Variants in EHD4 observed in about 807,000 individuals in gnomAD.
EHD4 encodes the protein EH domain containing 4, also known as EH domain-containing protein 4.
Under a neutral mutation model 51.0 loss-of-function variants are expected in EHD4, and 37 were observed. The ratio of observed to expected loss-of-function variants is 0.73; its 90% confidence interval spans 0.56 to 0.95. EHD4 has a LOEUF of 0.95. Among genes scored for constraint, EHD4 ranks in the 40% least tolerant of loss-of-function variants. The probability of loss-of-function intolerance (pLI) is 0.00; values close to 1 mark genes in which losing one functional copy is unlikely to be tolerated. For missense variants in EHD4, 632 were observed against 733.1 expected (o/e 0.86, Z 1.59); for synonymous variants, 297 against 317.3 (o/e 0.94, Z 0.68).
chr15:41,954,075 A>G (rs557318835), intron 1 of EHD4, 135 bp from the exon 2 acceptor site: 4 of 942,886 alleles, frequency 4.2e-6, no homozygotes, highest in South Asian at 3.0e-5. Context: ...AAAGCACGCA[A>G]TCCTCCTCTG....
chr15:41,971,937 C>T (rs118054745), intron 1 of EHD4, among the ~76,000 whole-genome samples: 1,869 of 152,366 alleles, frequency 0.012, 29 homozygotes, highest in Non-Finnish European at 0.015. Context: ...ACTCCCTCGT[C>T]AAGAATATGC....
At chr15:41,918,670 G>C (rs754957232) in intron 4 of EHD4, among the ~76,000 whole-genome samples, 6 of 152,148 alleles carry the variant, frequency 3.9e-5, no homozygotes, top group Non-Finnish European at 7.4e-5. Context: ...GAGGATGCGG[G>C]GGTGACCCAA....
rs200897167 is a variant in EHD4, at chr15:41,900,725, C to A, written c.1546G>T (p.Asp516Tyr). 23 of 1,611,996 alleles carry A rather than the reference C, an allele frequency of 1.4e-5. No homozygotes were observed. Among genetic ancestry groups the A allele is most frequent in the Non-Finnish European group, 1.7e-5 (20 of 1,179,974 alleles). ...AGGCTGCTGGGCAGCTCGTAGCCGT[C>A]GAGCTTGATCTTGATGAGGTGCTTG... ...LAKHLIKIKLDGYELPSSLPP... is the reference protein window; with the variant it reads ...LAKHLIKIKLYGYELPSSLPP... The change falls in exon 6 of 6, where the codon GAC (aspartate) becomes TAC (tyrosine). Residue 516 changes from aspartate (D) to tyrosine (Y), a missense_variant. Physicochemically the swap from Asp to Tyr is radical, Grantham distance 160 (BLOSUM62 -3). Transcript: ENST00000220325. The surrounding 1 kb of genome is among the most constrained non-coding windows in gnomAD (Gnocchi z 4.8).
chr15:41,940,896 T>C (rs1457280560), intron 3 of EHD4, among the ~76,000 whole-genome samples: 1 of 152,044 alleles, frequency 6.6e-6, no homozygotes, highest in Admixed American at 6.5e-5. Context: ...TGAAAACAAA[T>C]GCATATGGTG....
At chr15:41,942,459 C>G (rs28660334) in intron 3 of EHD4, 83,265 of 152,104 alleles carry the variant, frequency 0.55, 23,788 homozygotes, top group African/African-American at 0.72. Context: ...TGGCCAGGCT[C>G]TTCTCGAACT....
At chr15:41,922,268 G>A (rs1021899905) in intron 3 of EHD4, among the ~76,000 whole-genome samples, 2 of 151,978 alleles carry the variant, frequency 1.3e-5, no homozygotes, top group Admixed American at 1.3e-4. Context: ...GTATGCATGT[G>A]GGCTCAGCTA....
Position 41,909,872 on chromosome 15 carries a change from G to A in EHD4, c.925-9C>T, listed in dbSNP as rs1415011381. 6 of 1,613,972 alleles carry A rather than the reference G, an allele frequency of 3.7e-6. No individual in the cohort carries two copies. Among genetic ancestry groups the A allele is most frequent in the African/African-American group, 2.7e-5 (2 of 74,916 alleles). ...ATGATGTAGGCATGCACCTGGAGGG[G>A]TATAGATCAGGCAGGGAAGTGTCAT... is the stretch of plus-strand genomic sequence containing the variant. On this transcript the variant is annotated splice_polypyrimidine_tract_variant and intron_variant, in intron 4 of 5. Coordinates refer to ENST00000220325, the MANE Select transcript of EHD4 (RefSeq NM_139265.4).
At chr15:41,947,093 A>T (rs1441939925) in intron 2 of EHD4, among the ~76,000 whole-genome samples, 1 of 152,126 alleles carries the variant, frequency 6.6e-6, no homozygotes, top group African/African-American at 2.4e-5. Context: ...ACATGCTGAG[A>T]AGTGATGGAG....
intron 3 of EHD4, chr15:41,941,587 T>TTG (rs2067770969): frequency 6.6e-6 from 1 of 150,634 alleles, no homozygotes; most frequent in East Asian, 1.9e-4. Context: ...TTGGTGTTTT[T>TTG]TTTTTTGTTT....
At position 41,929,640 on chromosome 15, in the gene EHD4, T is replaced by TA. The variant is rs201898425; in HGVS notation, c.512-10019dup. On this transcript the variant is annotated intron_variant, in intron 3 of 5. Transcript: ENST00000220325. The stretch of plus-strand genomic sequence containing the variant: ...GCTCTTTGCTGGAGAGGGAAGTTGG[T>TA]AAAAAAACCTACCAAGAAAATCCTG... Among the ~76,000 whole-genome samples, 1,107 of 149,568 alleles carry TA rather than the reference T, an allele frequency of 7.4e-3. 19 individuals carry two copies. Among genetic ancestry groups the TA allele is most frequent in the African/African-American group, 0.027 (1,050 of 38,958 alleles).
intron 1 of EHD4, among the ~76,000 whole-genome samples, chr15:41,959,326 G>A (rs1167093519): frequency 6.7e-6 from 1 of 150,064 alleles, no homozygotes; most frequent in African/African-American, 2.5e-5. Flanking sequence ...AACCCGGGAG[G>A]CTGAGCTTGC....
chr15:41,960,204 T>G (rs2067916094), intron 1 of EHD4, among the ~76,000 whole-genome samples: 1 of 152,194 alleles, frequency 6.6e-6, no homozygotes, highest in African/African-American at 2.4e-5. Context: ...ACATTCAGCT[T>G]ATTTCATCCT....
At position 41,925,745 on chromosome 15, in the gene EHD4, C is replaced by T. The variant is rs889364746; in HGVS notation, c.512-6123G>A. Among the ~76,000 whole-genome samples, 18 of 152,248 alleles carry T rather than the reference C, an allele frequency of 1.2e-4. 1 individual carries two copies. The highest frequency in any genetic ancestry group is 5.8e-4 in the East Asian group (3 of 5,180). On this transcript the variant is annotated intron_variant, in intron 3 of 5. Transcript: ENST00000220325. ...GAACTAGGAGAAAGAATTTGTCCTG[C>T]GGAAGATCCCAGATTGGCATTCCTG... is the stretch of plus-strand genomic sequence containing the variant.
intron 3 of EHD4, among the ~76,000 whole-genome samples, chr15:41,934,635 C>T (rs2067720142): frequency 6.6e-6 from 1 of 152,102 alleles, no homozygotes; most frequent in Non-Finnish European, 1.5e-5. Context: ...TAACAGCTCC[C>T]CAGGTGATAA....
chr15:41,906,890 C>T (rs532282330), intron 5 of EHD4, among the ~76,000 whole-genome samples: 7 of 152,202 alleles, frequency 4.6e-5, no homozygotes, highest in Non-Finnish European at 1.0e-4. Flanking sequence ...AGGTACTGGG[C>T]ATAGACCTGA....
At chr15:41,924,194 G>A (rs1380233255) in intron 3 of EHD4, among the ~76,000 whole-genome samples, 5 of 152,118 alleles carry the variant, frequency 3.3e-5, no homozygotes, top group African/African-American at 1.2e-4. Context: ...ACTTCACACA[G>A]GGTATTAAAA....
At chr15:41,969,739 T>C (rs980315611) in intron 1 of EHD4, among the ~76,000 whole-genome samples, 5 of 152,202 alleles carry the variant, frequency 3.3e-5, no homozygotes, top group African/African-American at 1.2e-4. Flanking sequence ...GAGTCTAAGA[T>C]GACATGGTCA....
chr15:41,930,063 T>C (rs1008778023), intron 3 of EHD4, among the ~76,000 whole-genome samples: 2 of 152,230 alleles, frequency 1.3e-5, no homozygotes, highest in Admixed American at 1.3e-4. Context: ...AATGTTTCTA[T>C]AGGTGTAATT....
chr15:41,903,374 A>T (rs1286389859), intron 5 of EHD4, among the ~76,000 whole-genome samples: 1 of 150,918 alleles, frequency 6.6e-6, no homozygotes, highest in Admixed American at 6.6e-5. Context: ...CTAAAAATTT[A>T]AAATAATTTA....
Sources: allele counts gnomAD v4.1 joint callset (sites outside exome capture counted in the v4.1 genomes callset), GRCh38; gene constraint gnomAD v4.1.1; non-coding constraint Gnocchi (gnomAD v3.1); transcripts MANE v1.5; gene names NCBI Gene and HGNC (gene_info 2026-07-23, HGNC 2026-07-21).